RNF152: variants seen among roughly 807,000 people sequenced by gnomAD.
RNF152 encodes the protein E3 ubiquitin-protein ligase RNF152.
In RNF152, 11 loss-of-function variants were observed where a neutral mutation model predicts 12.7. The ratio of observed to expected loss-of-function variants is 0.86; its 90% CI spans 0.54 to 1.43. The LOEUF is 1.43. Among genes scored for constraint, RNF152 ranks in the 40% most tolerant of loss-of-function variants. RNF152 has a pLI of 0.00. For missense variants in RNF152, 255 were observed against 274.8 expected (o/e 0.93, Z 0.51); for synonymous variants, 113 against 120.3 (o/e 0.94, Z 0.40).
intron 1 of RNF152, among the ~76,000 whole-genome samples, chr18:61,866,460 G>A (rs375671319): frequency 0.028 from 4,258 of 151,782 alleles, 207 homozygotes; most frequent in African/African-American, 0.097. Context: ...ACTCTCGCCC[G>A]CGTTTCTGTG....
chr18:61,828,962 C>T (rs1402813259), intron 1 of RNF152, among the ~76,000 whole-genome samples: 1 of 152,040 alleles, frequency 6.6e-6, no homozygotes, highest in African/African-American at 2.4e-5. Flanking sequence ...CTGGGGCATC[C>T]AGGAAGGATT....
At chr18:61,887,075 A>G (rs376816692) in intron 1 of RNF152, among the ~76,000 whole-genome samples, 1 of 152,250 alleles carries the variant, frequency 6.6e-6, no homozygotes, top group Admixed American at 6.5e-5. Context: ...TTTGGGCAAC[A>G]GTGGATTAAC....
chr18:61,880,257 G>A (rs1912401340), intron 1 of RNF152, among the ~76,000 whole-genome samples: 1 of 152,150 alleles, frequency 6.6e-6, no homozygotes, highest in Non-Finnish European at 1.5e-5. Flanking sequence ...TTCAACAGAT[G>A]GGTGGCCAAA....
At chr18:61,875,425 T>C (rs1314968567) in intron 1 of RNF152, among the ~76,000 whole-genome samples, 3 of 152,244 alleles carry the variant, frequency 2.0e-5, no homozygotes, top group South Asian at 4.1e-4. Context: ...GCAAGTGTCC[T>C]CTGTTCCAGA....
In RNF152 at chr18:61,811,242, T is replaced by C. The variant is rs1912966607; in HGVS notation, c.*4610A>G. 1 of 152,138 alleles carries C rather than the reference T, an allele frequency of 6.6e-6. No individual in the cohort carries two copies. Among genetic ancestry groups the C allele is most frequent in the Admixed American group, 6.5e-5 (1 of 15,272 alleles). 9.4% of individuals were successfully genotyped at this position (152,138 alleles called of 1,614,324 possible). A position where few individuals can be genotyped will look rare whatever the true frequency, so the allele number is the denominator to read the frequency against. On this transcript the variant is annotated 3_prime_UTR_variant, in exon 2 of 2. Transcript: ENST00000312828. Reference sequence around the variant, plus strand: ...CAACATAAGTTTTCAAATAAAGGGATGGGAACTCTTAAAATCAAAATCTAG... The same window carrying C: ...CAACATAAGTTTTCAAATAAAGGGACGGGAACTCTTAAAATCAAAATCTAG...
chr18:61,841,103 T>G (rs747581813), intron 1 of RNF152, among the ~76,000 whole-genome samples: 1 of 152,156 alleles, frequency 6.6e-6, no homozygotes, highest in Non-Finnish European at 1.5e-5. Flanking sequence ...TGATCAGAAG[T>G]CAGGCTCGGT....
intron 1 of RNF152, among the ~76,000 whole-genome samples, chr18:61,844,128 A>C (rs1199853837): frequency 6.9e-6 from 1 of 145,508 alleles, no homozygotes; most frequent in Non-Finnish European, 1.5e-5. Flanking sequence ...GAAAGAAAGA[A>C]AGAAAGAAAG....
chr18:61,827,256 A>C (rs1233359690), intron 1 of RNF152, among the ~76,000 whole-genome samples: 1 of 152,258 alleles, frequency 6.6e-6, no homozygotes, highest in East Asian at 1.9e-4. Context: ...ACACAGCAGT[A>C]TCATACGGTG....
intron 1 of RNF152, among the ~76,000 whole-genome samples, chr18:61,854,834 G>C (rs909018123): frequency 1.3e-5 from 2 of 152,184 alleles, no homozygotes; most frequent in Non-Finnish European, 2.9e-5. Flanking sequence ...GCCTATGTCT[G>C]TGTTCAACCT....
chr18:61,859,706 C>T (rs1309915608), intron 1 of RNF152, among the ~76,000 whole-genome samples: 1 of 152,098 alleles, frequency 6.6e-6, no homozygotes, highest in East Asian at 1.9e-4. Flanking sequence ...TGGCGAAATC[C>T]CATCTCTACT....
chr18:61,860,256 C>T (rs374155215), intron 1 of RNF152, among the ~76,000 whole-genome samples: 1 of 152,194 alleles, frequency 6.6e-6, no homozygotes, highest in African/African-American at 2.4e-5. Context: ...AAGCCACCTA[C>T]TTGGTTAAGG....
upstream of RNF152, chr18:61,893,323 C>T (rs777188325): frequency 6.6e-6 from 1 of 152,334 alleles, no homozygotes. Context: ...GCGCGGCAAT[C>T]CCGAGCATCT....
chr18:61,826,853 TA>T (rs1909695988), intron 1 of RNF152, among the ~76,000 whole-genome samples: 1 of 152,196 alleles, frequency 6.6e-6, no homozygotes, highest in Non-Finnish European at 1.5e-5. Flanking sequence ...TTTTCAAAAT[TA>T]TTGTGCATTC....
At chr18:61,844,071 AAGAAAG>A (rs1464626638) in intron 1 of RNF152, among the ~76,000 whole-genome samples, 87 of 138,266 alleles carry the variant, frequency 6.3e-4, no homozygotes, top group Middle Eastern at 3.5e-3. Context: ...GAAAGACAGA[AAGAAAG>A]GAAAGAAAGA....
intron 1 of RNF152, among the ~76,000 whole-genome samples, chr18:61,864,290 C>T (rs1370544662): frequency 1.3e-5 from 2 of 152,182 alleles, no homozygotes; most frequent in East Asian, 3.9e-4. Context: ...TTCTCACAAC[C>T]CCCTCTCCGG....
At position 61,876,801 on chromosome 18, in the gene RNF152, G is replaced by A. The variant is rs118064738; in HGVS notation, c.-136+15994C>T. Among the ~76,000 whole-genome samples, 31 of 152,328 alleles carry A rather than the reference G, an allele frequency of 2.0e-4. No homozygotes were observed. The East Asian group carries it at 6.0e-3, about 29-fold the overall frequency. The stretch of plus-strand genomic sequence containing the variant: ...GCACGCACTGTAAGCAAAACCCTTA[G>A]AGCCTGGCACACAATTCATGGCGTA... On this transcript the variant is annotated intron_variant, in intron 1 of 1. Coordinates refer to ENST00000312828, the MANE Select transcript of RNF152 (RefSeq NM_173557.3).
At chr18:61,889,247 T>A (rs909342692) in intron 1 of RNF152, among the ~76,000 whole-genome samples, 11 of 152,192 alleles carry the variant, frequency 7.2e-5, no homozygotes, top group African/African-American at 2.7e-4. Context: ...CTAACATAGT[T>A]TACCACACCA....
chr18:61,809,828 T>C lies in RNF152; in HGVS notation c.*6024A>G, dbSNP rs573275589. On this transcript the variant is annotated 3_prime_UTR_variant, in exon 2 of 2. Transcript: ENST00000312828. The stretch of plus-strand genomic sequence containing the variant: ...CACTACATCATAGGTGAGATATATA[T>C]AGTGGGATACCCCAGGCAGTGAATC... The C allele has an allele frequency of 1.5e-5, 2 of 133,992 alleles. No homozygotes were observed. Among genetic ancestry groups the C allele is most frequent in the African/African-American group, 5.7e-5 (2 of 34,950 alleles). 8.3% of individuals were successfully genotyped at this position (133,992 alleles called of 1,614,324 possible). A position where few individuals can be genotyped will look rare whatever the true frequency, so the allele number is the denominator to read the frequency against.
At chr18:61,892,622 G>T (rs947240666) in intron 1 of RNF152, among the ~76,000 whole-genome samples, 173 bp downstream of exon 1, 8 of 152,154 alleles carry the variant, frequency 5.3e-5, no homozygotes, top group Non-Finnish European at 1.2e-4. Context: ...CAAAGGGAAG[G>T]TATAAAGTCA....
Sources: gnomAD v4.1 joint callset for allele counts (sites outside exome capture counted in the v4.1 genomes callset) on GRCh38, gnomAD v4.1.1 for gene constraint, MANE v1.5 for transcripts, NCBI Gene and HGNC (gene_info 2026-07-23, HGNC 2026-07-21) for gene names.